Variants in UBE3D observed in about 807,000 individuals in gnomAD.
UBE3D encodes the protein ubiquitin protein ligase E3D.
UBE3D carries 48 observed loss-of-function variants against 49.6 expected under a neutral mutation model. The observed-to-expected ratio is 0.97, with a 90% CI of 0.77 to 1.23. The LOEUF is 1.23. Among genes scored for constraint, UBE3D ranks in the 50% most tolerant of loss-of-function variants. The probability of loss-of-function intolerance (pLI) is 0.00; values close to 1 mark genes in which losing one functional copy is unlikely to be tolerated. For missense variants in UBE3D, 452 were observed against 468.4 expected, an observed-to-expected ratio of 0.96 and a Z score of 0.32; for synonymous variants, 189 against 174.2, an observed-to-expected ratio of 1.08 and a Z score of -0.67.
At chr6:83,058,235 T>C (rs910701548) in intron 1 of UBE3D, among the ~76,000 whole-genome samples, 1 of 152,140 alleles carries the variant, frequency 6.6e-6, no homozygotes, top group Admixed American at 6.5e-5. Context: ...CACCATAATA[T>C]GCAAGTCCTG....
At chr6:82,910,722 A>T (rs1174455442) in intron 9 of UBE3D, among the ~76,000 whole-genome samples, 1 of 152,182 alleles carries the variant, frequency 6.6e-6, no homozygotes, top group Non-Finnish European at 1.5e-5. Context: ...GCAAGAGTCC[A>T]AGAATTAGAA....
At chr6:83,033,791 T>G (rs993035671) in intron 5 of UBE3D, among the ~76,000 whole-genome samples, 1 of 152,200 alleles carries the variant, frequency 6.6e-6, no homozygotes, top group Non-Finnish European at 1.5e-5. Context: ...TATTTCTTTA[T>G]AGCAATGGAG....
intron 5 of UBE3D, among the ~76,000 whole-genome samples, chr6:83,028,895 G>C (rs148774072): frequency 5.3e-5 from 8 of 152,136 alleles, no homozygotes; most frequent in African/African-American, 1.9e-4. Flanking sequence ...AGTACTGTTG[G>C]TTGTCACATC....
At chr6:83,026,366 G>A (rs984852902) in intron 5 of UBE3D, among the ~76,000 whole-genome samples, 1 of 152,090 alleles carries the variant, frequency 6.6e-6, no homozygotes, top group Admixed American at 6.5e-5. Flanking sequence ...CAAGAGGACT[G>A]TTTGAGCCCA....
At chr6:82,929,360 G>C (rs1773977952) in intron 9 of UBE3D, among the ~76,000 whole-genome samples, 1 of 152,002 alleles carries the variant, frequency 6.6e-6, no homozygotes, top group Non-Finnish European at 1.5e-5. Flanking sequence ...TGTAATTTTT[G>C]CTAAGCTTTT....
At chr6:82,966,014 A>G (rs1035862666) in intron 8 of UBE3D, among the ~76,000 whole-genome samples, 6 of 152,250 alleles carry the variant, frequency 3.9e-5, no homozygotes, top group African/African-American at 1.4e-4. Context: ...TGAAAAAAGT[A>G]ACAATTCTTT....
At chr6:82,919,073 TGA>T (rs1226719506) in intron 9 of UBE3D, among the ~76,000 whole-genome samples, 1 of 152,138 alleles carries the variant, frequency 6.6e-6, no homozygotes, top group East Asian at 1.9e-4. Context: ...AAGCATTATA[TGA>T]GAGTGTCCAC....
intron 5 of UBE3D, among the ~76,000 whole-genome samples, chr6:83,031,935 T>G (rs972716966): frequency 6.6e-6 from 1 of 152,076 alleles, no homozygotes; most frequent in Non-Finnish European, 1.5e-5. Flanking sequence ...AAGTCAAGAG[T>G]TGAGGTTTGG....
At chr6:82,987,525 T>C (rs937170842) in intron 8 of UBE3D, among the ~76,000 whole-genome samples, 2 of 152,188 alleles carry the variant, frequency 1.3e-5, no homozygotes, top group Non-Finnish European at 2.9e-5. Context: ...TCAACTATAC[T>C]AGTAATTAGG....
intron 4 of UBE3D, among the ~76,000 whole-genome samples, chr6:83,043,667 A>C (rs906333731): frequency 6.6e-6 from 1 of 152,248 alleles, no homozygotes; most frequent in African/African-American, 2.4e-5. Context: ...TGAAATTTAA[A>C]ATACAATGTT....
At chr6:83,010,204 G>T (rs536947200) in intron 8 of UBE3D, among the ~76,000 whole-genome samples, 2 of 151,922 alleles carry the variant, frequency 1.3e-5, no homozygotes, top group African/African-American at 4.8e-5. Flanking sequence ...GGTTAATCAC[G>T]AATAATCATT....
chr6:82,906,808 A>G (rs1772135810), intron 9 of UBE3D, among the ~76,000 whole-genome samples: 1 of 152,190 alleles, frequency 6.6e-6, no homozygotes. Context: ...AAGGTTCTAA[A>G]CTACTCAGAG....
intron 8 of UBE3D, among the ~76,000 whole-genome samples, chr6:82,979,537 T>C (rs756482359): frequency 1.3e-5 from 2 of 152,180 alleles, no homozygotes; most frequent in South Asian, 4.1e-4. Context: ...CAACAACATT[T>C]AACACTTTCT....
chr6:82,953,167 C>T (rs1775921885), intron 9 of UBE3D, among the ~76,000 whole-genome samples: 1 of 152,222 alleles, frequency 6.6e-6, no homozygotes, highest in South Asian at 2.1e-4. Flanking sequence ...CGTCAACAGG[C>T]TGCAACTTGC....
chr6:82,941,722 A>T (rs1775028962), intron 9 of UBE3D, among the ~76,000 whole-genome samples: 1 of 152,108 alleles, frequency 6.6e-6, no homozygotes, highest in Non-Finnish European at 1.5e-5. Context: ...TGCTCTCGTG[A>T]TAGTGAGTGA....
chr6:83,056,554 T>G (rs563363939), intron 2 of UBE3D, among the ~76,000 whole-genome samples: 2 of 152,284 alleles, frequency 1.3e-5, no homozygotes, highest in East Asian at 3.9e-4. Flanking sequence ...CTACAACATT[T>G]AAGTGCCATG....
At chr6:83,046,234 T>C (rs1309972169) in intron 3 of UBE3D, among the ~76,000 whole-genome samples, 1 of 135,986 alleles carries the variant, frequency 7.4e-6, no homozygotes. Context: ...TGAATGCTAC[T>C]TTTTTTTTTT....
At chr6:82,924,814 C>T (rs775381509) in intron 9 of UBE3D, 21 of 152,200 alleles carry the variant, frequency 1.4e-4, no homozygotes, top group Non-Finnish European at 2.4e-4. Context: ...TTATAGTAAA[C>T]ATTATCCTTC....
At chr6:82,981,196 C>CA (rs1778096137) in intron 8 of UBE3D, among the ~76,000 whole-genome samples, 1 of 152,084 alleles carries the variant, frequency 6.6e-6, no homozygotes, top group Non-Finnish European at 1.5e-5. Flanking sequence ...GCCAGAACTT[C>CA]AAGTGTTTTC....
Sources: gnomAD v4.1 joint callset for allele counts (sites outside exome capture counted in the v4.1 genomes callset) on GRCh38, gnomAD v4.1.1 for gene constraint, MANE v1.5 for transcripts, NCBI Gene and HGNC (gene_info 2026-07-23, HGNC 2026-07-21) for gene names.